TRIM8: variants seen among roughly 807,000 people sequenced by gnomAD.
TRIM8 encodes tripartite motif containing 8, also known as E3 ubiquitin-protein ligase TRIM8.
TRIM8 carries 9 observed loss-of-function variants against 55.7 expected under a neutral mutation model. That is an observed-to-expected ratio of 0.16 (90% CI 0.10 to 0.28). The LOEUF is 0.28. Among genes scored for constraint, TRIM8 ranks in the 10% least tolerant of loss-of-function variants. The pLI, the probability that TRIM8 is intolerant of heterozygous loss-of-function variation, is 1.00. For missense variants in TRIM8, 556 were observed against 736.4 expected (o/e 0.76, Z 2.83); for synonymous variants, 335 against 333.3 (o/e 1.01, Z -0.06).
Position 102,657,021 on chromosome 10 carries a change from C to T in TRIM8, c.1323C>T (p.Phe441=), listed in dbSNP as rs1200486913. The change falls in exon 6 of 6, where the codon TTC becomes TTT. Residue 441 remains phenylalanine, a synonymous_variant. Coordinates refer to ENST00000643721, the MANE Select transcript of TRIM8 (RefSeq NM_030912.3). ...AACCAGTGCACTCAAGCCCCGTGTT[C>T]CCCCCATCGCAGTATCCCAATGGCT... is the stretch of plus-strand genomic sequence containing the variant. ...GAQPVHSSPV[F]PPSQYPNGSA... The T allele has an allele frequency of 1.9e-6, 3 of 1,612,644 alleles. No homozygotes were observed. Among genetic ancestry groups the T allele is most frequent in the South Asian group, 1.1e-5 (1 of 91,080 alleles).
chr10:102,648,281 C>A (rs572932443), intron 1 of TRIM8, among the ~76,000 whole-genome samples: 2 of 152,224 alleles, frequency 1.3e-5, no homozygotes, highest in East Asian at 3.9e-4. Flanking sequence ...CTCATGACCC[C>A]CCATGACATG....
intron 1 of TRIM8, among the ~76,000 whole-genome samples, chr10:102,649,958 G>T (rs987315076): frequency 6.6e-6 from 1 of 152,090 alleles, no homozygotes; most frequent in Non-Finnish European, 1.5e-5. Flanking sequence ...AAGGGGGCTG[G>T]AGCCAGAACT....
chr10:102,656,474 C>A lies in TRIM8; in HGVS notation c.1048+89C>A. 6.6e-7 allele frequency: 1 copy of A among 1,521,052 alleles called. No individual in the cohort carries two copies. The allele number at this position is 1,521,052 out of a possible 1,614,324, so 94.2% of individuals were successfully genotyped here. On this transcript the variant is annotated intron_variant, in intron 5 of 5. Coordinates refer to ENST00000643721, the MANE Select transcript of TRIM8 (RefSeq NM_030912.3). This position sits in a 1 kb window ranked among gnomAD's most constrained non-coding sequence, Gnocchi z 4.6. Reference sequence around the variant, plus strand: ...CCTTCCCTCCAAGAGGCAGTGTGGCCCAGTCTGGGAGACCTGTCCTCATAT... The same window carrying A: ...CCTTCCCTCCAAGAGGCAGTGTGGCACAGTCTGGGAGACCTGTCCTCATAT...
chr10:102,656,917 A>G lies in TRIM8; in HGVS notation c.1219A>G (p.Ser407Gly). 5.0e-6 allele frequency: 8 copies of G among 1,602,072 alleles called. No individual in the cohort carries two copies. Among genetic ancestry groups the G allele is most frequent in the South Asian group, 1.1e-5 (1 of 89,764 alleles). Residue 407 changes from serine (S) to glycine (G), a missense_variant, in exon 6 of 6, where the codon AGC becomes GGC. Transcript: ENST00000643721. The surrounding 1 kb of genome is among the most constrained non-coding windows in gnomAD (Gnocchi z 4.6). ...CCAGTACGGGGCGGCGGGCACAGCC[A>G]GCGGTGAGGGCCAGTCTGGGCAGCC... is the stretch of plus-strand genomic sequence containing the variant. The part of the protein sequence containing the change: ...GGQYGAAGTA[S>G]GEGQSGQPLG...
Position 102,657,329 on chromosome 10 carries a change from CCACCAAA to C in TRIM8, c.1635_1641del (p.Lys546ThrfsTer2). On this transcript the variant is annotated frameshift_variant, in exon 6 of 6. Coordinates refer to ENST00000643721, the MANE Select transcript of TRIM8 (RefSeq NM_030912.3). LOFTEE classifies it high-confidence loss of function. Reference sequence around the variant, plus strand: ...TTCTACAGGGTGTATGGGCAGCCGTCCACCAAACACTACGTGACGAGCTAACGCCACG... The same window carrying C: ...TTCTACAGGGTGTATGGGCAGCCGTCCACTACGTGACGAGCTAACGCCACG... The C allele has an allele frequency of 6.3e-7, 1 of 1,596,898 alleles. No individual in the cohort carries two copies. Among genetic ancestry groups the C allele is most frequent in the Non-Finnish European group, 8.6e-7 (1 of 1,169,462 alleles).
At chr10:102,650,524 C>T (rs1485107292) in intron 1 of TRIM8, among the ~76,000 whole-genome samples, 1 of 152,186 alleles carries the variant, frequency 6.6e-6, no homozygotes, top group Non-Finnish European at 1.5e-5. Flanking sequence ...TCCCAGTCTC[C>T]CTGGTGGCCT....
chr10:102,655,385 C>A, intron 3 of TRIM8, 72 bp downstream of exon 3: 1 of 1,394,978 alleles, frequency 7.2e-7, no homozygotes, highest in Non-Finnish European at 1.0e-6. Flanking sequence ...CAGTTTCCTG[C>A]ACCTGTAGCT....
At chr10:102,652,908 A>C (rs1405666410) in intron 1 of TRIM8, among the ~76,000 whole-genome samples, 1 of 150,860 alleles carries the variant, frequency 6.6e-6, no homozygotes, top group East Asian at 1.9e-4. Flanking sequence ...GGTTCAAGTG[A>C]TTCTCCTGCC....
At position 102,657,256 on chromosome 10, in the gene TRIM8, G is replaced by C; in HGVS notation, c.1558G>C (p.Ala520Pro). The change falls in exon 6 of 6, where the codon GCG becomes CCG. Residue 520 changes from alanine to proline, a missense_variant. Physicochemically the swap from Ala to Pro is conservative, Grantham distance 27. Coordinates refer to ENST00000643721, the MANE Select transcript of TRIM8 (RefSeq NM_030912.3). Reference protein sequence around the residue: ...PSVPQSLPSLAVRDWLDASQQ... With the variant: ...PSVPQSLPSLPVRDWLDASQQ... ...CGTCCCCCAGTCCCTTCCCAGCCTGGCGGTCAGAGACTGGCTTGACGCCTC... is the reference window on the plus strand; with the variant it reads ...CGTCCCCCAGTCCCTTCCCAGCCTGCCGGTCAGAGACTGGCTTGACGCCTC... 6.2e-7 allele frequency: 1 copy of C among 1,614,000 alleles called. No homozygotes were observed. Among genetic ancestry groups the C allele is most frequent in the South Asian group, 1.1e-5 (1 of 91,054 alleles).
Position 102,649,998 on chromosome 10 carries a change from A to G in TRIM8, c.571-4655A>G, listed in dbSNP as rs549504150. Among the ~76,000 whole-genome samples, 296 of 100,288 alleles carry G rather than the reference A, an allele frequency of 3.0e-3. 2 individuals carry two copies. The highest frequency in any genetic ancestry group is 0.01 in the African/African-American group (276 of 26,426). 65.8% of individuals were successfully genotyped at this position (100,288 alleles called of 152,430 possible). A position where few individuals can be genotyped will look rare whatever the true frequency, so the allele number is the denominator to read the frequency against. Reference sequence around the variant, plus strand: ...CTGGCCGGGCAGGGACCTAAGCAGGAAGAGGCTGCCCAGCCCCCTCTTCTT... The same window carrying G: ...CTGGCCGGGCAGGGACCTAAGCAGGGAGAGGCTGCCCAGCCCCCTCTTCTT... On this transcript the variant is annotated intron_variant, in intron 1 of 5. Transcript: ENST00000643721.
At chr10:102,655,691 C>T (rs755605405) in intron 3 of TRIM8, among the ~76,000 whole-genome samples, 28 of 152,320 alleles carry the variant, frequency 1.8e-4, no homozygotes, top group Middle Eastern at 3.4e-3. Flanking sequence ...CATTTTGCTG[C>T]AGAAATGTTG....
Position 102,657,220 on chromosome 10 carries a change from C to T in TRIM8, c.1522C>T (p.Pro508Ser), listed in dbSNP as rs780589289. 6.2e-7 allele frequency: 1 copy of T among 1,614,046 alleles called. No individual in the cohort carries two copies. Among genetic ancestry groups the T allele is most frequent in the Non-Finnish European group, 8.5e-7 (1 of 1,179,986 alleles). The stretch of plus-strand genomic sequence containing the variant: ...GCAGGAGTACTCACACCCGCTCCCG[C>T]CCACACCCTCCGTCCCCCAGTCCCT... ...PSQEYSHPLP[P>S]TPSVPQSLPS... The change falls in exon 6 of 6, where the codon CCC becomes TCC. Residue 508 changes from proline to serine, a missense_variant. Physicochemically the swap from Pro to Ser is moderately conservative, Grantham distance 74. Around this residue, in one of 2 missense-constraint regions of TRIM8, gnomAD observed 391 missense variants for 441.0 expected, o/e 0.89. Coordinates refer to ENST00000643721, the MANE Select transcript of TRIM8 (RefSeq NM_030912.3).
rs752788628 is a variant in TRIM8, at chr10:102,656,248, A to G, written c.933-22A>G. 6.2e-7 allele frequency: 1 copy of G among 1,614,098 alleles called. No individual in the cohort carries two copies. Among genetic ancestry groups the G allele is most frequent in the Non-Finnish European group, 8.5e-7 (1 of 1,180,004 alleles). On this transcript the variant is annotated intron_variant, in intron 4 of 5. Transcript: ENST00000643721. The surrounding 1 kb of genome is among the most constrained non-coding windows in gnomAD (Gnocchi z 4.6). Reference sequence around the variant, plus strand: ...CACCGGTGATGCCTCCTCACAGCAGATGCCCCGTCCACTGCCCCCAGGACC... The same window carrying G: ...CACCGGTGATGCCTCCTCACAGCAGGTGCCCCGTCCACTGCCCCCAGGACC...
chr10:102,646,956 T>C (rs1271965430), intron 1 of TRIM8, among the ~76,000 whole-genome samples: 10 of 152,178 alleles, frequency 6.6e-5, no homozygotes, highest in Admixed American at 1.3e-4. Context: ...ATGTCTTTAA[T>C]TGGGGTGGGG....
chr10:102,650,709 A>G (rs1418520837), intron 1 of TRIM8, among the ~76,000 whole-genome samples: 2 of 152,158 alleles, frequency 1.3e-5, no homozygotes, highest in Non-Finnish European at 2.9e-5. Flanking sequence ...TGAGCTGGGA[A>G]ATCTGGTCGG....
intron 2 of TRIM8, 147 bp from the exon 3 acceptor site, chr10:102,654,932 TG>T: frequency 1.0e-6 from 1 of 978,512 alleles, no homozygotes; most frequent in Non-Finnish European, 1.6e-6. Context: ...GTGCTACCAG[TG>T]GGGAACTGGC....
At position 102,644,663 on chromosome 10, in the gene TRIM8, C is replaced by G. The variant is rs2063918390; in HGVS notation, c.46C>G (p.Pro16Ala). 2 of 1,613,300 alleles carry G rather than the reference C, an allele frequency of 1.2e-6. No homozygotes were observed. The change falls in exon 1 of 6, where the codon CCT (proline) becomes GCT (alanine). Residue 16 changes from proline (P) to alanine (A), a missense_variant. Physicochemically the swap from Pro to Ala is conservative, Grantham distance 27. Coordinates refer to ENST00000643721, the MANE Select transcript of TRIM8 (RefSeq NM_030912.3). ...CTGCTTCGAGGAGGAGCTCATCTGC[C>G]CTATCTGCCTGCACGTTTTCGTGGA... ...KNCFEEELIC[P>A]ICLHVFVEPV...
chr10:102,647,621 C>A (rs1364623584), intron 1 of TRIM8, among the ~76,000 whole-genome samples: 1 of 152,124 alleles, frequency 6.6e-6, no homozygotes, highest in African/African-American at 2.4e-5. Context: ...GTGGAGCGCT[C>A]TTCCTTGGCC....
chr10:102,650,072 T>G (rs1417352467), intron 1 of TRIM8, among the ~76,000 whole-genome samples: 1 of 151,662 alleles, frequency 6.6e-6, no homozygotes, highest in Non-Finnish European at 1.5e-5. Flanking sequence ...TGGTCTTGTC[T>G]GAAAACCTAG....
Sources: allele counts gnomAD v4.1 joint callset (sites outside exome capture counted in the v4.1 genomes callset), GRCh38; gene constraint gnomAD v4.1.1; regional missense constraint gnomAD v4.1.1; non-coding constraint Gnocchi (gnomAD v3.1); transcripts MANE v1.5; gene names NCBI Gene and HGNC (gene_info 2026-07-23, HGNC 2026-07-21).